CPSF3: variants seen among roughly 807,000 people sequenced by gnomAD.
CPSF3 encodes cleavage and polyadenylation specificity factor subunit 3.
In CPSF3, 57 loss-of-function variants were observed where a neutral mutation model predicts 84.1. The ratio of observed to expected loss-of-function variants is 0.68; its 90% CI spans 0.55 to 0.85. The LOEUF (loss-of-function observed/expected upper bound fraction) is 0.85, where lower values mean the gene tolerates loss of function less well. Among genes scored for constraint, CPSF3 ranks in the 40% least tolerant of loss-of-function variants. The pLI is 0.00. For missense variants in CPSF3, 522 were observed against 838.8 expected (o/e 0.62, Z 4.66); for synonymous variants, 275 against 278.1 (o/e 0.99, Z 0.11).
At chr2:9,455,083 C>T (rs1681476117) in intron 12 of CPSF3, among the ~76,000 whole-genome samples, 1 of 151,258 alleles carries the variant, frequency 6.6e-6, no homozygotes. Flanking sequence ...TGACAGCTGG[C>T]ATACCAGCTC....
In CPSF3 at chr2:9,457,151, G is replaced by A. The variant is rs1681562079; in HGVS notation, c.1698+124G>A. The A allele has an allele frequency of 6.8e-5, 18 of 264,860 alleles. No homozygotes were observed. Among genetic ancestry groups the A allele is most frequent in the Middle Eastern group, 1.0e-3 (1 of 994 alleles). The allele number at this position is 264,860 out of a possible 1,614,324, so 16.4% of individuals were successfully genotyped here. A position where few individuals can be genotyped will look rare whatever the true frequency, so the allele number is the denominator to read the frequency against. The stretch of plus-strand genomic sequence containing the variant: ...AAGAATATTGTTGGAAAGTATATGT[G>A]TGTGTGTGTGTGTGTGTGTGTGTGT... On this transcript the variant is annotated intron_variant, in intron 14 of 17. Coordinates refer to ENST00000238112, the MANE Select transcript of CPSF3 (RefSeq NM_016207.4).
intron 15 of CPSF3, 68 bp downstream of exon 15, chr2:9,459,686 G>A (rs1681665699): frequency 2.9e-6 from 2 of 682,338 alleles, no homozygotes; most frequent in Non-Finnish European, 4.2e-6. Flanking sequence ...TACTAGCTCT[G>A]TCATCCAGGC....
intron 10 of CPSF3, among the ~76,000 whole-genome samples, chr2:9,447,667 C>T (rs896600641): frequency 3.3e-5 from 5 of 151,178 alleles, no homozygotes; most frequent in Non-Finnish European, 5.9e-5. Flanking sequence ...GCCAGCTACT[C>T]GGGAGGCTCA....
chr2:9,461,830 C>T (rs191660992), intron 15 of CPSF3, among the ~76,000 whole-genome samples: 2 of 147,796 alleles, frequency 1.4e-5, no homozygotes, highest in South Asian at 2.1e-4. Context: ...GGCACCATCT[C>T]GGCTCACTGC....
At chr2:9,472,068 C>T (rs1682189277) in intron 17 of CPSF3, among the ~76,000 whole-genome samples, 1 of 147,630 alleles carries the variant, frequency 6.8e-6, no homozygotes, top group African/African-American at 2.5e-5. Context: ...AATCCCAACA[C>T]TTTGGGAGGT....
At chr2:9,423,911 C>G in intron 1 of CPSF3, 88 bp downstream of exon 1, 1 of 1,552,694 alleles carries the variant, frequency 6.4e-7, no homozygotes, top group Middle Eastern at 1.8e-4. Flanking sequence ...GTCGCCCGCG[C>G]TCCCACCTAC....
chr2:9,448,105 A>G (rs1681187354), intron 10 of CPSF3, 93 bp from the exon 11 acceptor site: 4 of 657,438 alleles, frequency 6.1e-6, no homozygotes, highest in Admixed American at 3.6e-5. Flanking sequence ...TATTTCATAT[A>G]TTAAATATAT....
intron 7 of CPSF3, among the ~76,000 whole-genome samples, chr2:9,436,774 A>AAAAAAAAAAATAATAAATAAT (rs139337028): frequency 1.9e-4 from 27 of 143,036 alleles, no homozygotes; most frequent in Non-Finnish European, 3.8e-4. Flanking sequence ...CCATCTCAAA[A>AAAAAAAAAAATAATAAATAAT]AATAATAATA....
chr2:9,460,498 A>G (rs1359145397), intron 15 of CPSF3, among the ~76,000 whole-genome samples: 1 of 152,164 alleles, frequency 6.6e-6, no homozygotes, highest in Non-Finnish European at 1.5e-5. Flanking sequence ...GAATTGAGCC[A>G]GTAGATTAGG....
intron 9 of CPSF3, 38 bp downstream of exon 9, chr2:9,442,014 C>G (rs1000864601): frequency 1.3e-6 from 2 of 1,598,882 alleles, no homozygotes; most frequent in Admixed American, 3.4e-5. Context: ...TATTCCTATT[C>G]AGAATCACGG....
intron 11 of CPSF3, among the ~76,000 whole-genome samples, chr2:9,452,400 C>A (rs951094171): frequency 6.7e-6 from 1 of 150,126 alleles, no homozygotes; most frequent in African/African-American, 2.4e-5. Context: ...TTATTTTATT[C>A]TCTTAAAAAT....
At chr2:9,428,293 G>A (rs771916160) in intron 1 of CPSF3, among the ~76,000 whole-genome samples, 1 of 151,916 alleles carries the variant, frequency 6.6e-6, no homozygotes, top group South Asian at 2.1e-4. Flanking sequence ...CACCGCACCC[G>A]GCCATTTAAA....
intron 12 of CPSF3, among the ~76,000 whole-genome samples, chr2:9,454,539 CTTT>C (rs36115189): frequency 0.01 from 894 of 87,960 alleles, 4 homozygotes; most frequent in African/African-American, 0.041. Context: ...CTCTTATACT[CTTT>C]TTTTTTTTTT....
At position 9,428,157 on chromosome 2, in the gene CPSF3, T is replaced by C. The variant is rs79594475; in HGVS notation, c.51-608T>C. 1.6e-3 allele frequency among the ~76,000 whole-genome samples: 244 copies of C among 150,612 alleles called. 7 individuals carry two copies. Among genetic ancestry groups the C allele is most frequent in the African/African-American group, 5.8e-3 (232 of 40,064 alleles). On this transcript the variant is annotated intron_variant, in intron 1 of 17. Coordinates refer to ENST00000238112, the MANE Select transcript of CPSF3 (RefSeq NM_016207.4). ...GACTACAGGTGTCCGCCACCACGCC[T>C]GGCTAATTTTTTGTATTTTTAGTAG...
intron 1 of CPSF3, among the ~76,000 whole-genome samples, chr2:9,426,980 G>A (rs759017957): frequency 7.9e-5 from 12 of 152,148 alleles, no homozygotes; most frequent in Non-Finnish European, 1.8e-4. Context: ...AGTAGAAGGT[G>A]AGGAAGTACA....
At chr2:9,429,813 G>A in intron 2 of CPSF3, 110 bp from the exon 3 acceptor site, 1 of 677,938 alleles carries the variant, frequency 1.5e-6, no homozygotes, top group Non-Finnish European at 2.6e-6. Context: ...GCTAGTGCCT[G>A]GAGTCCATCT....
intron 4 of CPSF3, among the ~76,000 whole-genome samples, chr2:9,432,147 G>A (rs1327061647): frequency 1.3e-5 from 2 of 152,166 alleles, no homozygotes; most frequent in East Asian, 3.8e-4. Flanking sequence ...ATCTGCCATG[G>A]TTCAATGTAT....
At chr2:9,428,888 C>G in intron 2 of CPSF3, 60 bp downstream of exon 2, 1 of 994,936 alleles carries the variant, frequency 1.0e-6, no homozygotes, top group East Asian at 2.4e-5. Flanking sequence ...GGGTGTTAGT[C>G]TTTTCTCATA....
chr2:9,433,785 C>T, intron 5 of CPSF3, 86 bp from the exon 6 acceptor site: 1 of 879,284 alleles, frequency 1.1e-6, no homozygotes, highest in African/African-American at 1.7e-5. Flanking sequence ...TGTAACTGCA[C>T]TTTTGGATTT....
Sources: gnomAD v4.1 joint callset for allele counts (sites outside exome capture counted in the v4.1 genomes callset) on GRCh38, gnomAD v4.1.1 for gene constraint, MANE v1.5 for transcripts, NCBI Gene and HGNC (gene_info 2026-07-23, HGNC 2026-07-21) for gene names.